The following ZNF790 variants were observed in gnomAD, a reference collection of about 807,000 sequenced individuals.
ZNF790 encodes the protein zinc finger protein 790.
Under a neutral mutation model 12.1 loss-of-function variants are expected in ZNF790, and 8 were observed. The observed-to-expected ratio is 0.66, with a 90% confidence interval of 0.39 to 1.19. The LOEUF (loss-of-function observed/expected upper bound fraction) is 1.19. ZNF790 is among the 50% of genes most tolerant of loss of function. ZNF790 has a pLI of 0.01. For missense variants in ZNF790, 707 were observed against 752.2 expected, an observed-to-expected ratio of 0.94 and a Z score of 0.70; for synonymous variants, 252 against 244.3, an observed-to-expected ratio of 1.03 and a Z score of -0.29.
chr19:36,837,100 T>C (rs1166638151), intron 1 of ZNF790, among the ~76,000 whole-genome samples: 1 of 152,206 alleles, frequency 6.6e-6, no homozygotes, highest in African/African-American at 2.4e-5. Flanking sequence ...TCCAACCTTG[T>C]ATTTATATTT....
chr19:36,839,503 T>A (rs1313796186), upstream of ZNF790, among the ~76,000 whole-genome samples: 1 of 152,132 alleles, frequency 6.6e-6, no homozygotes, highest in South Asian at 2.1e-4. Flanking sequence ...CTGGCTCAAG[T>A]GATCCTCCCA....
intron 1 of ZNF790, among the ~76,000 whole-genome samples, chr19:36,826,043 A>T (rs1321977610): frequency 6.6e-6 from 1 of 152,218 alleles, no homozygotes; most frequent in African/African-American, 2.4e-5. Context: ...AGGAAATATC[A>T]TAGGTTTGCT....
upstream of ZNF790, among the ~76,000 whole-genome samples, chr19:36,841,184 C>G (rs767911105): frequency 5.9e-5 from 9 of 152,160 alleles, no homozygotes; most frequent in Non-Finnish European, 1.2e-4. Flanking sequence ...GGACAGAGGT[C>G]AGGGAAGCTG....
intron 1 of ZNF790, among the ~76,000 whole-genome samples, chr19:36,844,830 C>T (rs2072162317): frequency 6.6e-6 from 1 of 151,128 alleles, no homozygotes; most frequent in Non-Finnish European, 1.5e-5. Context: ...GGGCGGATCA[C>T]GAGGTCAGGA....
chr19:36,843,359 T>C (rs2072147335), upstream of ZNF790, among the ~76,000 whole-genome samples: 1 of 152,188 alleles, frequency 6.6e-6, no homozygotes, highest in East Asian at 1.9e-4. Context: ...AGCAGAGTTT[T>C]TGGTAGTCTT....
chr19:36,835,361 G>T (rs1277335263), intron 1 of ZNF790, among the ~76,000 whole-genome samples: 1 of 152,188 alleles, frequency 6.6e-6, no homozygotes, highest in East Asian at 1.9e-4. Context: ...AAGGCAAAAA[G>T]TAAGTATAGA....
At chr19:36,843,807 G>A (rs2072150817) in intron 1 of ZNF790, among the ~76,000 whole-genome samples, 1 of 150,952 alleles carries the variant, frequency 6.6e-6, no homozygotes. Context: ...TTGGGAGTTC[G>A]AGACCAGCCT....
chr19:36,842,827 C>T (rs2072141721), upstream of ZNF790, among the ~76,000 whole-genome samples: 1 of 151,588 alleles, frequency 6.6e-6, no homozygotes, highest in African/African-American at 2.4e-5. Flanking sequence ...AACATGGTGA[C>T]ACCCTGTCTC....
chr19:36,820,043 A>T lies in ZNF790; in HGVS notation c.301T>A (p.Leu101Met), dbSNP rs370989077. Residue 101 changes from leucine (L) to methionine (M), a missense_variant, in exon 5 of 5, where the codon TTG (leucine) becomes ATG (methionine). Coordinates refer to ENST00000356725, the MANE Select transcript of ZNF790 (RefSeq NM_206894.4). ...TTTTTACAAATTCTCATTATTTCCA[A>T]TTGGGCTATTTCTCTCTCAAAAATG... ...NGIFEREIAQ[L>M]EIMRICKNHS... is the part of the protein sequence containing the mutation. 1.2e-6 allele frequency: 2 copies of T among 1,612,688 alleles called. No homozygotes were observed. The highest frequency in any genetic ancestry group is 1.7e-5 in the Admixed American group (1 of 60,000).
rs1417933873 is a variant in ZNF790 at position 36,838,214 on chromosome 19, C to G, written c.-74+123G>C. 1 of 153,190 alleles carries G rather than the reference C, an allele frequency of 6.5e-6. No homozygotes were observed. Among genetic ancestry groups the G allele is most frequent in the East Asian group, 1.9e-4 (1 of 5,216 alleles). 9.5% of individuals were successfully genotyped at this position (153,190 alleles called of 1,614,324 possible). A position where few individuals can be genotyped will look rare whatever the true frequency, so the allele number is the denominator to read the frequency against. On this transcript the variant is annotated intron_variant, in intron 1 of 4. Coordinates refer to ENST00000356725, the MANE Select transcript of ZNF790 (RefSeq NM_206894.4). This position sits in a 1 kb window ranked among gnomAD's most constrained non-coding sequence, Gnocchi z 4.4. The stretch of plus-strand genomic sequence containing the variant: ...GCATCCACTGCTCCCATCGCGATCG[C>G]TCGCCCCCACGCTCCCTCGCCGGCA...
Position 36,818,201 on chromosome 19 carries a change from CAT to C in ZNF790, c.*230_*231del, listed in dbSNP as rs1178207560. The C allele has an allele frequency of 6.2e-6, 2 of 324,674 alleles. No homozygotes were observed. The highest frequency in any genetic ancestry group is 1.1e-5 in the Non-Finnish European group (2 of 177,884). 20.1% of individuals were successfully genotyped at this position (324,674 alleles called of 1,614,324 possible). ...GATTCAAAAAGAATTCATGCTATCT[CAT>C]AAAATTTTACCCTGATATTCTGCAA... On this transcript the variant is annotated 3_prime_UTR_variant, in exon 5 of 5. Transcript: ENST00000356725.
intron 1 of ZNF790, among the ~76,000 whole-genome samples, chr19:36,832,967 A>G (rs1167032076): frequency 2.5e-5 from 3 of 121,130 alleles, no homozygotes; most frequent in African/African-American, 9.1e-5. Context: ...AAAGAATGAG[A>G]CCTTCTCTAA....
In ZNF790 at chr19:36,838,164, C is replaced by T. The variant is rs2072089783; in HGVS notation, c.-74+173G>A. 1 of 152,924 alleles carries T rather than the reference C, an allele frequency of 6.5e-6. No homozygotes were observed. Among genetic ancestry groups the T allele is most frequent in the Non-Finnish European group, 1.5e-5 (1 of 68,690 alleles). The allele number at this position is 152,924 out of a possible 1,614,324, so 9.5% of individuals were successfully genotyped here. A position where few individuals can be genotyped will look rare whatever the true frequency, so the allele number is the denominator to read the frequency against. On this transcript the variant is annotated intron_variant, in intron 1 of 4. Transcript: ENST00000356725. This position sits in a 1 kb window ranked among gnomAD's most constrained non-coding sequence, Gnocchi z 4.4. ...CACACACAAGCTCCCGTCGCGGCCCCAGCTCCTGCATCAATTTCACTCTCG... is the reference window on the plus strand; with the variant it reads ...CACACACAAGCTCCCGTCGCGGCCCTAGCTCCTGCATCAATTTCACTCTCG...
At chr19:36,826,421 A>G (rs1034089391) in intron 1 of ZNF790, among the ~76,000 whole-genome samples, 2 of 151,990 alleles carry the variant, frequency 1.3e-5, no homozygotes, top group East Asian at 1.9e-4. Context: ...CGTCTCTACT[A>G]AAAATACAAA....
intron 2 of ZNF790, among the ~76,000 whole-genome samples, chr19:36,824,660 G>A (rs74679698): frequency 0.045 from 6,848 of 152,190 alleles, 212 homozygotes; most frequent in Non-Finnish European, 0.066. Flanking sequence ...CAAAACATCA[G>A]AATGGTAGCC....
At chr19:36,827,141 C>CATATATATACATATAT (rs2071836249) in intron 1 of ZNF790, among the ~76,000 whole-genome samples, 1 of 84,440 alleles carries the variant, frequency 1.2e-5, no homozygotes. Context: ...CACACACACA[C>CATATATATACATATAT]ATATATATAT....
chr19:36,819,043 G>C lies in ZNF790; in HGVS notation c.1301C>G (p.Ala434Gly), dbSNP rs1189722545. The C allele has an allele frequency of 6.2e-7, 1 of 1,613,924 alleles. No individual in the cohort carries two copies. Among genetic ancestry groups the C allele is most frequent in the Admixed American group, 1.7e-5 (1 of 59,986 alleles). ...TTTCTCATGTTGAGCAAGATACGAA[G>C]CCCAAGTAAAAGTCTTCCCGCATTG... ...CKQCGKTFTWASYLAQHEKIH... is the reference protein window; with the variant it reads ...CKQCGKTFTWGSYLAQHEKIH... The change falls in exon 5 of 5, where the codon GCT becomes GGT. Residue 434 changes from alanine (A) to glycine (G), a missense_variant. By Grantham distance (60) the Ala-to-Gly change is moderately conservative. Transcript: ENST00000356725.
intron 1 of ZNF790, among the ~76,000 whole-genome samples, chr19:36,847,405 G>A (rs548195293): frequency 6.6e-6 from 1 of 152,078 alleles, no homozygotes; most frequent in South Asian, 2.1e-4. Context: ...TTTGTCCTTG[G>A]TTATGTTCTG....
chr19:36,839,247 T>A (rs1311673344), upstream of ZNF790, among the ~76,000 whole-genome samples: 2 of 152,340 alleles, frequency 1.3e-5, no homozygotes, highest in Non-Finnish European at 2.9e-5. Flanking sequence ...ACTTTCAAAC[T>A]TATCAGGTAA....
Sources: allele counts gnomAD v4.1 joint callset (sites outside exome capture counted in the v4.1 genomes callset), GRCh38; gene constraint gnomAD v4.1.1; non-coding constraint Gnocchi (gnomAD v3.1); transcripts MANE v1.5; gene names NCBI Gene and HGNC (gene_info 2026-07-23, HGNC 2026-07-21).